SFXN3: variants seen among roughly 807,000 people sequenced by gnomAD.
SFXN3 encodes sideroflexin-3.
In SFXN3, 31 loss-of-function variants were observed where a neutral mutation model predicts 40.4. The ratio of observed to expected loss-of-function variants is 0.77; its 90% CI spans 0.58 to 1.04. The LOEUF (loss-of-function observed/expected upper bound fraction) is 1.04. SFXN3 is among the 50% of genes least tolerant of loss of function. The pLI, the probability that SFXN3 is intolerant of heterozygous loss-of-function variation, is 0.00. For synonymous variants in SFXN3, 157 were observed against 160.0 expected (o/e 0.98, Z 0.14); for missense variants, 366 against 408.2 (o/e 0.90, Z 0.89).
Position 101,036,487 on chromosome 10 carries a change from C to A in SFXN3, c.433C>A (p.Gln145Lys). ...GTGACCTGGCTTTTCCACCCACAGG[C>A]AGCTGGGGACAGCCTATGTGAGTGC... Residue 145 changes from glutamine to lysine, a missense_variant and splice_region_variant, in exon 6 of 12, where the codon CAG (glutamine) becomes AAG (lysine). Physicochemically the swap from Gln to Lys is moderately conservative, Grantham distance 53. Transcript: ENST00000393459. This position sits in a 1 kb window ranked among gnomAD's most constrained non-coding sequence, Gnocchi z 4.2. 1.2e-6 allele frequency: 2 copies of A among 1,614,086 alleles called. No individual in the cohort carries two copies. Among genetic ancestry groups the A allele is most frequent in the African/African-American group, 2.7e-5 (2 of 75,026 alleles).
At chr10:101,032,477 G>GA (rs1564647893) in exon 2 of SFXN3, 1 of 1,550,098 alleles carries the variant, frequency 6.5e-7, no homozygotes, top group East Asian at 2.5e-5. Context: ...GAGAGCGATG[G>GA]AAAGCGTAAG....
At position 101,039,375 on chromosome 10, in the gene SFXN3, C is replaced by A; in HGVS notation, c.870-114C>A. 1.6e-6 allele frequency: 2 copies of A among 1,222,964 alleles called. No homozygotes were observed. The highest frequency in any genetic ancestry group is 2.4e-6 in the Non-Finnish European group (2 of 830,566). 75.8% of individuals were successfully genotyped at this position (1,222,964 alleles called of 1,614,324 possible). A position where few individuals can be genotyped will look rare whatever the true frequency, so the allele number is the denominator to read the frequency against. On this transcript the variant is annotated intron_variant, in intron 11 of 11. Coordinates refer to ENST00000393459, the Ensembl canonical transcript of SFXN3. The surrounding 1 kb of genome is among the most constrained non-coding windows in gnomAD (Gnocchi z 4.6). ...GGGGAATGACAGTGAGCCAGTCCTT[C>A]TGGCAGTAGAAGGAGAGGATTTTTC...
chr10:101,039,650 C>T lies in SFXN3; in HGVS notation c.*65C>T. On this transcript the variant is annotated 3_prime_UTR_variant, in exon 12 of 12. Transcript: ENST00000393459. The surrounding 1 kb of genome is among the most constrained non-coding windows in gnomAD (Gnocchi z 4.6). The stretch of plus-strand genomic sequence containing the variant: ...TGCTGCTTTAGTGGAGTCATGTCAC[C>T]CCTACCACTTGGCTATCTGCCTAGC... The T allele has an allele frequency of 2.0e-6, 3 of 1,487,320 alleles. No individual in the cohort carries two copies. The highest frequency in any genetic ancestry group is 2.8e-6 in the Non-Finnish European group (3 of 1,065,196). 92.1% of individuals were successfully genotyped at this position (1,487,320 alleles called of 1,614,324 possible).
In SFXN3 at chr10:101,034,983, C is replaced by T. The variant is rs758138438; in HGVS notation, c.161+128C>T. The T allele has an allele frequency of 5.7e-6, 7 of 1,236,776 alleles. No individual in the cohort carries two copies. The Admixed American group carries it at 9.7e-5, about 17-fold the overall frequency. The allele number at this position is 1,236,776 out of a possible 1,614,324, so 76.6% of individuals were successfully genotyped here. A position where few individuals can be genotyped will look rare whatever the true frequency, so the allele number is the denominator to read the frequency against. ...CCTCAATCCCCTCACTCTCTAGCCC[C>T]GTCTGTTGGCATCACAGAGCTTTAA... is the stretch of plus-strand genomic sequence containing the variant. On this transcript the variant is annotated intron_variant, in intron 3 of 11. Transcript: ENST00000393459.
At chr10:101,038,810 G>C in intron 10 of SFXN3, 118 bp downstream of exon 10, 1 of 1,493,224 alleles carries the variant, frequency 6.7e-7, no homozygotes, top group Non-Finnish European at 9.2e-7. Context: ...CATTCAGTGG[G>C]TGTGTGTTTG....
chr10:101,038,157 C>A, intron 9 of SFXN3: 1 of 487,060 alleles, frequency 2.1e-6, no homozygotes, highest in South Asian at 6.8e-5. Flanking sequence ...GTTTGGGGTA[C>A]AGAAAACAGT....
intron 9 of SFXN3, chr10:101,038,076 T>C (rs1309381340): frequency 4.2e-6 from 1 of 239,436 alleles, no homozygotes; most frequent in East Asian, 1.5e-4. Flanking sequence ...GCTGTTTAGA[T>C]AGGATGATCA....
chr10:101,038,755 G>T, intron 10 of SFXN3, 63 bp downstream of exon 10: 2 of 1,600,190 alleles, frequency 1.2e-6, no homozygotes, highest in Non-Finnish European at 1.7e-6. Flanking sequence ...GATGTGGGTG[G>T]GTATGGATTG....
chr10:101,040,565 G>C (rs1938850069), exon 12 of SFXN3: 1 of 151,416 alleles, frequency 6.6e-6, no homozygotes, highest in Non-Finnish European at 1.5e-5. Context: ...TGTTAAGACA[G>C]GGAATTTTGT....
At chr10:101,035,460 CT>C (rs1938543131) in intron 3 of SFXN3, 36 bp from the exon 4 acceptor site, 1 of 1,567,316 alleles carries the variant, frequency 6.4e-7, no homozygotes, top group East Asian at 2.2e-5. Flanking sequence ...GATCTGCCCC[CT>C]GGCATAGCCT....
intron 3 of SFXN3, 91 bp downstream of exon 3, chr10:101,034,946 A>G (rs915450589): frequency 1.3e-6 from 2 of 1,484,560 alleles, no homozygotes; most frequent in Non-Finnish European, 1.8e-6. Flanking sequence ...CAAGCTTGAC[A>G]GTGACCCTGT....
exon 12 of SFXN3, chr10:101,040,448 A>C (rs966904344): frequency 6.6e-6 from 1 of 151,982 alleles, no homozygotes; most frequent in Non-Finnish European, 1.5e-5. Context: ...CTTCCACTGC[A>C]CCCCCTCCCA....
exon 4 of SFXN3, chr10:101,035,660 T>C: frequency 6.2e-7 from 1 of 1,610,152 alleles, no homozygotes; most frequent in Non-Finnish European, 8.5e-7. Context: ...CATGCTCACA[T>C]TCTACAGGCA....
At chr10:101,035,941 C>A in intron 4 of SFXN3, 62 bp from the exon 5 acceptor site, 1 of 1,450,474 alleles carries the variant, frequency 6.9e-7, no homozygotes, top group Non-Finnish European at 9.7e-7. Context: ...GGTTTCATTA[C>A]AGGGGTCTAA....
intron 9 of SFXN3, 108 bp from the exon 10 acceptor site, chr10:101,038,535 C>T: frequency 6.2e-7 from 1 of 1,600,972 alleles, no homozygotes; most frequent in Non-Finnish European, 8.5e-7. Flanking sequence ...GGCCACAGGT[C>T]TAAGGGCTCC....
chr10:101,035,508 T>C, exon 4 of SFXN3: 1 of 1,599,574 alleles, frequency 6.3e-7, no homozygotes, highest in African/African-American at 1.3e-5. Flanking sequence ...GCCGGCGTGG[T>C]GACCCCAGGG....
chr10:101,036,995 C>T lies in SFXN3; in HGVS notation c.594-81C>T. ...TTTGAGCCTGGGGTGTGTGAGGGGACCCTGAGGAGCCGCTGCTCATTCGGG... is the reference window on the plus strand; with the variant it reads ...TTTGAGCCTGGGGTGTGTGAGGGGATCCTGAGGAGCCGCTGCTCATTCGGG... On this transcript the variant is annotated intron_variant, in intron 7 of 11. Transcript: ENST00000393459. This position sits in a 1 kb window ranked among gnomAD's most constrained non-coding sequence, Gnocchi z 4.2. The T allele has an allele frequency of 1.9e-6, 3 of 1,577,160 alleles. No individual in the cohort carries two copies.
At chr10:101,035,045 G>A (rs1938521949) in intron 3 of SFXN3, among the ~76,000 whole-genome samples, 190 bp downstream of exon 3, 1 of 152,214 alleles carries the variant, frequency 6.6e-6, no homozygotes, top group African/African-American at 2.4e-5. Flanking sequence ...TGAGAAGATG[G>A]CATTGATATT....
At chr10:101,032,469 G>A (rs1317370872) in exon 2 of SFXN3, 2 of 1,552,172 alleles carry the variant, frequency 1.3e-6, no homozygotes, top group East Asian at 2.5e-5. Flanking sequence ...GAGCTTCAGA[G>A]AGCGATGGAA....
Sources: gnomAD v4.1 joint callset for allele counts (sites outside exome capture counted in the v4.1 genomes callset) on GRCh38, gnomAD v4.1.1 for gene constraint, Gnocchi (gnomAD v3.1) non-coding constraint, MANE v1.5 for transcripts, NCBI Gene and HGNC (gene_info 2026-07-23, HGNC 2026-07-21) for gene names.